The following LGMN variants were observed in gnomAD, a reference collection of about 807,000 sequenced individuals.
LGMN encodes the protein legumain, also known as asparaginyl endopeptidase.
In LGMN, 36 loss-of-function variants were observed where a neutral mutation model predicts 56.8. That is an observed-to-expected ratio of 0.63 (90% CI 0.49 to 0.84). LGMN has a LOEUF of 0.84. Ranked by LOEUF, LGMN falls within the 40% of genes least tolerant of loss-of-function variation. The probability of loss-of-function intolerance (pLI) is 0.00; values close to 1 mark genes in which losing one functional copy is unlikely to be tolerated. For missense variants in LGMN, 446 were observed against 556.1 expected (o/e 0.80, Z 1.99); for synonymous variants, 199 against 210.1 (o/e 0.95, Z 0.46).
chr14:92,728,213 T>C (rs1890840270), intron 2 of LGMN, among the ~76,000 whole-genome samples: 1 of 152,084 alleles, frequency 6.6e-6, no homozygotes, highest in African/African-American at 2.4e-5. Flanking sequence ...GGGGCAATGG[T>C]TTCGGGATGA....
intron 2 of LGMN, among the ~76,000 whole-genome samples, chr14:92,719,524 C>CA (rs1247059270): frequency 1.3e-5 from 2 of 152,142 alleles, no homozygotes; most frequent in Non-Finnish European, 2.9e-5. Flanking sequence ...ATTTTAGTCT[C>CA]AAAAACAGAA....
At chr14:92,718,296 A>C (rs756114670) in intron 3 of LGMN, among the ~76,000 whole-genome samples, 4 of 152,120 alleles carry the variant, frequency 2.6e-5, no homozygotes. Context: ...CATGAGGGCC[A>C]GACATGGTGG....
At chr14:92,707,453 C>CAGAG (rs1889496142) in intron 11 of LGMN, among the ~76,000 whole-genome samples, 1 of 152,150 alleles carries the variant, frequency 6.6e-6, no homozygotes, top group South Asian at 2.1e-4. Context: ...AACTCTGTAT[C>CAGAG]TTTACAAGGC....
chr14:92,725,307 G>A (rs1890687674), intron 2 of LGMN, among the ~76,000 whole-genome samples: 1 of 152,184 alleles, frequency 6.6e-6, no homozygotes, highest in Non-Finnish European at 1.5e-5. Flanking sequence ...TGAGCACTTT[G>A]GGAGGCTGAG....
intron 11 of LGMN, among the ~76,000 whole-genome samples, chr14:92,708,659 C>T (rs1288932265): frequency 6.6e-6 from 1 of 151,768 alleles, no homozygotes; most frequent in African/African-American, 2.4e-5. Context: ...AGTTCGAGAC[C>T]AGCCTGACCA....
intron 2 of LGMN, among the ~76,000 whole-genome samples, chr14:92,725,477 G>A (rs972980492): frequency 6.6e-6 from 1 of 152,206 alleles, no homozygotes; most frequent in African/African-American, 2.4e-5. Flanking sequence ...CCAGGAGTTT[G>A]AGGTTGCAGT....
At chr14:92,719,245 GCCACCACCACCA>G (rs1302998421) in intron 2 of LGMN, among the ~76,000 whole-genome samples, 3,504 of 22,266 alleles carry the variant, frequency 0.16, 143 homozygotes, top group South Asian at 0.3. Context: ...CGCCACCACC[GCCACCACCACCA>G]CCGCCACCGC....
chr14:92,732,866 A>C, intron 1 of LGMN, 51 bp from the exon 2 acceptor site: 5 of 1,467,102 alleles, frequency 3.4e-6, no homozygotes, highest in Non-Finnish European at 3.7e-6. Context: ...ACTGATAAAC[A>C]TTGGCTGGGC....
chr14:92,738,671 C>T (rs1177175863), intron 1 of LGMN, among the ~76,000 whole-genome samples: 1 of 152,020 alleles, frequency 6.6e-6, no homozygotes, highest in Non-Finnish European at 1.5e-5. Context: ...TCCCTGACTA[C>T]AACGCTATAT....
chr14:92,747,370 A>T (rs184125474), intron 1 of LGMN, among the ~76,000 whole-genome samples: 1 of 152,234 alleles, frequency 6.6e-6, no homozygotes, highest in Non-Finnish European at 1.5e-5. Context: ...AGGTGCCTGT[A>T]ATCCCAGAAC....
At chr14:92,723,624 C>T (rs1408653604) in intron 2 of LGMN, among the ~76,000 whole-genome samples, 1 of 152,204 alleles carries the variant, frequency 6.6e-6, no homozygotes, top group Non-Finnish European at 1.5e-5. Flanking sequence ...AGACCACACG[C>T]TGTTTAGCTC....
chr14:92,730,683 G>A (rs1418182594), intron 2 of LGMN, among the ~76,000 whole-genome samples: 2 of 152,140 alleles, frequency 1.3e-5, no homozygotes, highest in African/African-American at 2.4e-5. Flanking sequence ...GGTGGCTCAC[G>A]CCTGTAATCC....
chr14:92,723,381 C>G (rs1890580901), intron 2 of LGMN, among the ~76,000 whole-genome samples: 1 of 151,840 alleles, frequency 6.6e-6, no homozygotes, highest in African/African-American at 2.4e-5. Flanking sequence ...CCAAGAGAAA[C>G]AAAAAAATGT....
intron 12 of LGMN, chr14:92,704,930 G>T: frequency 2.1e-6 from 1 of 484,524 alleles, no homozygotes; most frequent in South Asian, 2.4e-5. Context: ...GGGCTGGCGG[G>T]GTTCTGCACT....
At position 92,714,232 on chromosome 14, in the gene LGMN, A is replaced by C; in HGVS notation, c.480+144T>G. 1.6e-6 allele frequency: 1 copy of C among 639,660 alleles called. No homozygotes were observed. Among genetic ancestry groups the C allele is most frequent in the Admixed American group, 2.8e-5 (1 of 36,014 alleles). The allele number at this position is 639,660 out of a possible 1,614,324, so 39.6% of individuals were successfully genotyped here. Reference sequence around the variant, plus strand: ...GTCCTTGGATAGATTTCAAGCTGCTAAACCTGTCCCCCACTCCCACCCACC... The same window carrying C: ...GTCCTTGGATAGATTTCAAGCTGCTCAACCTGTCCCCCACTCCCACCCACC... On this transcript the variant is annotated intron_variant, in intron 6 of 13. Coordinates refer to ENST00000334869, the MANE Select transcript of LGMN (RefSeq NM_005606.7). This position sits in a 1 kb window ranked among gnomAD's most constrained non-coding sequence, Gnocchi z 5.1.
intron 11 of LGMN, among the ~76,000 whole-genome samples, chr14:92,707,350 C>G (rs1366174031): frequency 6.6e-6 from 1 of 152,228 alleles, no homozygotes; most frequent in African/African-American, 2.4e-5. Flanking sequence ...AGACCCTCCA[C>G]CCACTGTGTG....
rs1891069106 is a variant in LGMN at position 92,731,962 on chromosome 14, T to A, written c.138+687A>T. On this transcript the variant is annotated intron_variant, in intron 2 of 13. Coordinates refer to ENST00000334869, the MANE Select transcript of LGMN (RefSeq NM_005606.7). ...TCCGATGTGGCTTCTTTTCTTCTTC[T>A]CTCTACCTTCTGGTAGGCTGATGTG... Among the ~76,000 whole-genome samples the A allele has an allele frequency of 5.3e-5, 8 of 152,150 alleles. 1 individual carries two copies. Among genetic ancestry groups the A allele is most frequent in the Admixed American group, 2.6e-4 (4 of 15,276 alleles).
chr14:92,740,591 A>ACC (rs1276384541), intron 1 of LGMN, among the ~76,000 whole-genome samples: 1 of 152,200 alleles, frequency 6.6e-6, no homozygotes, highest in Non-Finnish European at 1.5e-5. Context: ...AACCACAGGC[A>ACC]CTGCACCCTG....
At chr14:92,732,569 C>T in intron 2 of LGMN, 80 bp downstream of exon 2, 1 of 1,499,050 alleles carries the variant, frequency 6.7e-7, no homozygotes, top group Non-Finnish European at 9.1e-7. Flanking sequence ...CAAGTCTTTT[C>T]TATTTAATAT....
Sources: gnomAD v4.1 joint callset for allele counts (sites outside exome capture counted in the v4.1 genomes callset) on GRCh38, gnomAD v4.1.1 for gene constraint, Gnocchi (gnomAD v3.1) non-coding constraint, MANE v1.5 for transcripts, NCBI Gene and HGNC (gene_info 2026-07-23, HGNC 2026-07-21) for gene names.